Variants in ZNF324 observed in about 807,000 individuals in gnomAD.
ZNF324 encodes the protein zinc finger protein 324A.
In ZNF324, 3 loss-of-function variants were observed where a neutral mutation model predicts 10.3. The observed-to-expected ratio is 0.29, with a 90% CI of 0.13 to 0.75. The LOEUF is 0.75. Among genes scored for constraint, ZNF324 ranks in the 30% least tolerant of loss-of-function variants. ZNF324 has a pLI of 0.69. For missense variants in ZNF324, 763 were observed against 784.4 expected, an observed-to-expected ratio of 0.97 and a Z score of 0.33; for synonymous variants, 430 against 339.5, an observed-to-expected ratio of 1.27 and a Z score of -2.93.
chr19:58,470,721 C>T lies in ZNF324; in HGVS notation c.239-10C>T. 3 of 1,614,212 alleles carry T rather than the reference C, an allele frequency of 1.9e-6. No individual in the cohort carries two copies. The highest frequency in any genetic ancestry group is 2.5e-6 in the Non-Finnish European group (3 of 1,180,042). On this transcript the variant is annotated splice_polypyrimidine_tract_variant and intron_variant, in intron 3 of 3. Coordinates refer to ENST00000196482, the MANE Select transcript of ZNF324 (RefSeq NM_014347.3). ...GATGCCCCAGGCAACCACTGTTTCT[C>T]TGCCTTTAGGTTCCTGGAGTTTGAC...
Position 58,472,201 on chromosome 19 carries a change from A to G in ZNF324, c.*47A>G, listed in dbSNP as rs1168375929. ...CCTTCTGTGAATCCCTTCCACAGCT[A>G]AAGGGCATATGTCCTCTGCAGATCC... is the stretch of plus-strand genomic sequence containing the variant. On this transcript the variant is annotated 3_prime_UTR_variant, in exon 4 of 4. Transcript: ENST00000196482. 4 of 1,508,138 alleles carry G rather than the reference A, an allele frequency of 2.7e-6. No homozygotes were observed. Among genetic ancestry groups the G allele is most frequent in the Non-Finnish European group, 3.6e-6 (4 of 1,125,346 alleles). 93.4% of individuals were successfully genotyped at this position (1,508,138 alleles called of 1,614,324 possible).
chr19:58,472,008 GAGAA>G lies in ZNF324; in HGVS notation c.1517_1520del (p.Glu506GlyfsTer58). On this transcript the variant is annotated frameshift_variant, in exon 4 of 4. Coordinates refer to ENST00000196482, the MANE Select transcript of ZNF324 (RefSeq NM_014347.3). LOFTEE classifies it low-confidence loss of function (END_TRUNC). Reference sequence around the variant, plus strand: ...CCACCACCAGAGGATCCATACCGGCGAGAAGACCGTCCGGCGATCCAGGGCCAGC... The same window carrying G: ...CCACCACCAGAGGATCCATACCGGCGGACCGTCCGGCGATCCAGGGCCAGC... The G allele has an allele frequency of 6.2e-7, 1 of 1,608,034 alleles. No individual in the cohort carries two copies. Among genetic ancestry groups the G allele is most frequent in the Non-Finnish European group, 8.5e-7 (1 of 1,179,742 alleles).
At position 58,471,933 on chromosome 19, in the gene ZNF324, T is replaced by C. The variant is rs781357849; in HGVS notation, c.1441T>C (p.Phe481Leu). 6.2e-7 allele frequency: 1 copy of C among 1,610,014 alleles called. No homozygotes were observed. Among genetic ancestry groups the C allele is most frequent in the Non-Finnish European group, 8.5e-7 (1 of 1,179,002 alleles). ...HRRIHTGEKP[F>L]VCTQCGRAFR... ...GCGCATTCACACGGGCGAGAAGCCC[T>C]TCGTGTGTACGCAGTGTGGCCGCGC... is the stretch of plus-strand genomic sequence containing the variant. Residue 481 changes from phenylalanine (F) to leucine (L), a missense_variant, in exon 4 of 4, where the codon TTC becomes CTC. Physicochemically the swap from Phe to Leu is conservative, Grantham distance 22 (BLOSUM62 0). This residue lies in a region of ZNF324 where 231 missense variants were observed against 196.0 expected (regional missense o/e 1.18). Coordinates refer to ENST00000196482, the MANE Select transcript of ZNF324 (RefSeq NM_014347.3).
rs776065580 is a variant in ZNF324 at position 58,471,874 on chromosome 19, C to G, written c.1382C>G (p.Ala461Gly). 303 of 1,612,146 alleles carry G rather than the reference C, an allele frequency of 1.9e-4. 4 individuals carry two copies. Among genetic ancestry groups the G allele is most frequent in the Middle Eastern group, 1.8e-3 (11 of 6,054 alleles). Residue 461 changes from alanine to glycine, a missense_variant, in exon 4 of 4, where the codon GCC (alanine) becomes GGC (glycine). Ala to Gly is a moderately conservative substitution (Grantham distance 60). Around this residue, in one of 3 missense-constraint regions of ZNF324, gnomAD observed 231 missense variants for 196.0 expected, o/e 1.18. Coordinates refer to ENST00000196482, the MANE Select transcript of ZNF324 (RefSeq NM_014347.3). ...TTCCGCTGCGTGGACTGTGGCAAGG[C>G]CTTCGCCAAGGGCGCCGTGCTGCTC... The part of the protein sequence containing the change: ...RPFRCVDCGK[A>G]FAKGAVLLSH...
rs2053060657 is a variant in ZNF324 at position 58,474,111 on chromosome 19, A to G, written c.*1957A>G. 1 of 152,118 alleles carries G rather than the reference A, an allele frequency of 6.6e-6. No individual in the cohort carries two copies. Among genetic ancestry groups the G allele is most frequent in the Admixed American group, 6.5e-5 (1 of 15,274 alleles). 9.4% of individuals were successfully genotyped at this position (152,118 alleles called of 1,614,324 possible). A position where few individuals can be genotyped will look rare whatever the true frequency, so the allele number is the denominator to read the frequency against. ...GGGGCCAGACTCTTCCACCTGTGAAACCTCACAGGTTCCTGCAGGGAGTGG... is the reference window on the plus strand; with the variant it reads ...GGGGCCAGACTCTTCCACCTGTGAAGCCTCACAGGTTCCTGCAGGGAGTGG... On this transcript the variant is annotated 3_prime_UTR_variant, in exon 4 of 4. Transcript: ENST00000196482.
rs371698674 is a variant in ZNF324 at position 58,470,819 on chromosome 19, C to T, written c.327C>T (p.Val109=). The change falls in exon 4 of 4, where the codon GTC becomes GTT. Residue 109 remains valine, a synonymous_variant. Transcript: ENST00000196482. ...CCCCACCTGGGATGACTACTAGCGT[C>T]TTCCCTGTTGCCGGTGCCTGCCACA... is the stretch of plus-strand genomic sequence containing the variant. The part of the protein sequence containing the change: ...PDTPPGMTTS[V]FPVAGACHSV... The T allele has an allele frequency of 1.2e-5, 20 of 1,614,128 alleles. No homozygotes were observed. In the African/African-American group the frequency reaches 2.4e-4, roughly 19 times the overall value.
chr19:58,473,026 T>A lies in ZNF324; in HGVS notation c.*872T>A, dbSNP rs1239033218. 1.3e-5 allele frequency: 2 copies of A among 152,680 alleles called. No homozygotes were observed. Among genetic ancestry groups the A allele is most frequent in the Non-Finnish European group, 2.9e-5 (2 of 68,072 alleles). 9.5% of individuals were successfully genotyped at this position (152,680 alleles called of 1,614,324 possible). A position where few individuals can be genotyped will look rare whatever the true frequency, so the allele number is the denominator to read the frequency against. On this transcript the variant is annotated 3_prime_UTR_variant, in exon 4 of 4. Transcript: ENST00000196482. Reference sequence around the variant, plus strand: ...GCACTCGTTCAGGTTTTTGCCCAAGTCTCAGCTTGGCCAAGGCCTGTCACT... The same window carrying A: ...GCACTCGTTCAGGTTTTTGCCCAAGACTCAGCTTGGCCAAGGCCTGTCACT...
chr19:58,470,388 AG>A, intron 3 of ZNF324: 1 of 257,020 alleles, frequency 3.9e-6, no homozygotes, highest in Non-Finnish European at 6.9e-6. Context: ...GAAGGGGGAC[AG>A]GGGCGGGGGG....
Position 58,471,724 on chromosome 19 carries a change from C to T in ZNF324, c.1232C>T (p.Ser411Leu). The part of the protein sequence containing the change: ...LCGAAFSQGS[S>L]LFKHQRVHTG... ...GGTGCTGCCTTCAGCCAGGGCTCCT[C>T]GCTCTTTAAGCACCAGCGCGTGCAC... is the stretch of plus-strand genomic sequence containing the variant. Residue 411 changes from serine (S) to leucine (L), a missense_variant, in exon 4 of 4, where the codon TCG (serine) becomes TTG (leucine). By Grantham distance (145) the Ser-to-Leu change is moderately radical (BLOSUM62 -2). Around this residue, in one of 3 missense-constraint regions of ZNF324, gnomAD observed 153 missense variants for 269.0 expected, o/e 0.57. Coordinates refer to ENST00000196482, the MANE Select transcript of ZNF324 (RefSeq NM_014347.3). The T allele has an allele frequency of 3.7e-6, 6 of 1,612,270 alleles. No homozygotes were observed. The highest frequency in any genetic ancestry group is 5.1e-6 in the Non-Finnish European group (6 of 1,179,274).
Position 58,471,978 on chromosome 19 carries a change from C to G in ZNF324, c.1486C>G (p.Leu496Val). ...CGRAFRERPA[L>V]FHHQRIHTGE... ...CCGCGCCTTCCGTGAGCGCCCGGCC[C>G]TCTTCCACCACCAGAGGATCCATAC... Residue 496 changes from leucine to valine, a missense_variant, in exon 4 of 4, where the codon CTC becomes GTC. Coordinates refer to ENST00000196482, the MANE Select transcript of ZNF324 (RefSeq NM_014347.3). 11 of 1,609,058 alleles carry G rather than the reference C, an allele frequency of 6.8e-6. No individual in the cohort carries two copies. Among genetic ancestry groups the G allele is most frequent in the Non-Finnish European group, 9.3e-6 (11 of 1,179,528 alleles).
chr19:58,473,983 T>C lies in ZNF324; in HGVS notation c.*1829T>C, dbSNP rs549575588. ...GCCATGTGTGATGACCCTGCAAGGT[T>C]GACTCCAACCAGTGGGCACTCCATC... is the stretch of plus-strand genomic sequence containing the variant. On this transcript the variant is annotated 3_prime_UTR_variant, in exon 4 of 4. Coordinates refer to ENST00000196482, the MANE Select transcript of ZNF324 (RefSeq NM_014347.3). 4.6e-5 allele frequency: 7 copies of C among 152,358 alleles called. No homozygotes were observed. The highest frequency in any genetic ancestry group is 3.9e-4 in the Admixed American group (6 of 15,290). The allele number at this position is 152,358 out of a possible 1,614,324, so 9.4% of individuals were successfully genotyped here.
rs534607673 is a variant in ZNF324 at position 58,469,748 on chromosome 19, C to A, written c.142C>A (p.Arg48Ser). The stretch of plus-strand genomic sequence containing the variant: ...CACAGGACTCTCCACCTCTCGACCT[C>A]GTGTGGTCATCCAACTGGAGCGTGG... Reference protein sequence around the residue: ...ASLGLSTSRPRVVIQLERGEE... With the variant: ...ASLGLSTSRPSVVIQLERGEE... Residue 48 changes from arginine (R) to serine (S), a missense_variant, in exon 3 of 4, where the codon CGT (arginine) becomes AGT (serine). Around this residue, in one of 3 missense-constraint regions of ZNF324, gnomAD observed 379 missense variants for 319.4 expected, o/e 1.19. Coordinates refer to ENST00000196482, the MANE Select transcript of ZNF324 (RefSeq NM_014347.3). 6.3e-7 allele frequency: 1 copy of A among 1,583,320 alleles called. No individual in the cohort carries two copies. The highest frequency in any genetic ancestry group is 1.2e-5 in the South Asian group (1 of 86,396).
In ZNF324 at chr19:58,471,955, G is replaced by T. The variant is rs776221380; in HGVS notation, c.1463G>T (p.Arg488Leu). Residue 488 changes from arginine (R) to leucine (L), a missense_variant, in exon 4 of 4, where the codon CGC becomes CTC. Around this residue, in one of 3 missense-constraint regions of ZNF324, gnomAD observed 231 missense variants for 196.0 expected, o/e 1.18. Transcript: ENST00000196482. ...EKPFVCTQCG[R>L]AFRERPALFH... ...CCCTTCGTGTGTACGCAGTGTGGCC[G>T]CGCCTTCCGTGAGCGCCCGGCCCTC... is the stretch of plus-strand genomic sequence containing the variant. The T allele has an allele frequency of 6.2e-7, 1 of 1,609,366 alleles. No individual in the cohort carries two copies.
Position 58,471,714 on chromosome 19 carries a change from C to T in ZNF324, c.1222C>T (p.Gln408Ter). Residue 408 changes from glutamine to a stop codon, truncating the protein, a stop_gained, in exon 4 of 4, where the codon CAG (glutamine) becomes TAG (stop). Coordinates refer to ENST00000196482, the MANE Select transcript of ZNF324 (RefSeq NM_014347.3). LOFTEE classifies it low-confidence loss of function (END_TRUNC). Reference protein sequence around the residue: ...VCALCGAAFSQGSSLFKHQRV... With the variant: ...VCALCGAAFS ...CGCGCTCTGCGGTGCTGCCTTCAGC[C>T]AGGGCTCCTCGCTCTTTAAGCACCA... 1.2e-6 allele frequency: 2 copies of T among 1,612,564 alleles called. No homozygotes were observed. The highest frequency in any genetic ancestry group is 1.7e-6 in the Non-Finnish European group (2 of 1,179,370).
At position 58,475,043 on chromosome 19, in the gene ZNF324, GTTT is replaced by G. The variant is rs891762976; in HGVS notation, c.*2892_*2894del. 2 of 152,000 alleles carry G rather than the reference GTTT, an allele frequency of 1.3e-5. No homozygotes were observed. The highest frequency in any genetic ancestry group is 6.6e-5 in the Admixed American group (1 of 15,262). The allele number at this position is 152,000 out of a possible 1,614,324, so 9.4% of individuals were successfully genotyped here. On this transcript the variant is annotated 3_prime_UTR_variant, in exon 4 of 4. Coordinates refer to ENST00000196482, the MANE Select transcript of ZNF324 (RefSeq NM_014347.3). ...TCTCCCCACATGGTGGAGGGTGAAA[GTTT>G]TTGTTTTTTTTTCCTTCTGGGACTC... is the stretch of plus-strand genomic sequence containing the variant.
intron 1 of ZNF324, 148 bp from the exon 2 acceptor site, chr19:58,469,032 A>ATTT (rs201999734): frequency 2.0e-6 from 2 of 976,386 alleles, no homozygotes; most frequent in East Asian, 5.2e-5. Flanking sequence ...TGCAATTTTT[A>ATTT]TTTTTTTTAG....
In ZNF324 at chr19:58,471,350, G is replaced by A. The variant is rs559130372; in HGVS notation, c.858G>A (p.Glu286=). 1 of 1,614,012 alleles carries A rather than the reference G, an allele frequency of 6.2e-7. No individual in the cohort carries two copies. The highest frequency in any genetic ancestry group is 1.7e-5 in the Admixed American group (1 of 60,026). Residue 286 remains glutamate, a synonymous_variant, in exon 4 of 4, where the codon GAG becomes GAA. Transcript: ENST00000196482. The part of the protein sequence containing the change: ...LRTHTGERPY[E]CAQCGKAFSQ... ...CCCACACCGGGGAGCGGCCCTACGA[G>A]TGCGCCCAGTGCGGCAAGGCCTTCA...
Position 58,474,699 on chromosome 19 carries a change from G to C in ZNF324, c.*2545G>C, listed in dbSNP as rs2122428531. The C allele has an allele frequency of 6.6e-6, 1 of 152,280 alleles. No homozygotes were observed. The highest frequency in any genetic ancestry group is 1.9e-4 in the East Asian group (1 of 5,182). 9.4% of individuals were successfully genotyped at this position (152,280 alleles called of 1,614,324 possible). A position where few individuals can be genotyped will look rare whatever the true frequency, so the allele number is the denominator to read the frequency against. ...CCTGGGCTTCTATGTCAAAAGGTCA[G>C]ACTGAACACATGCATCTCACTGGGC... On this transcript the variant is annotated 3_prime_UTR_variant, in exon 4 of 4. Transcript: ENST00000196482.
At chr19:58,468,730 T>C (rs2053002672) in intron 1 of ZNF324, among the ~76,000 whole-genome samples, 1 of 152,036 alleles carries the variant, frequency 6.6e-6, no homozygotes, top group Non-Finnish European at 1.5e-5. Flanking sequence ...CTTGCTTGTG[T>C]ATGGCGTTGC....
Sources: allele counts gnomAD v4.1 joint callset (sites outside exome capture counted in the v4.1 genomes callset), GRCh38; gene constraint gnomAD v4.1.1; regional missense constraint gnomAD v4.1.1; transcripts MANE v1.5; gene names NCBI Gene and HGNC (gene_info 2026-07-23, HGNC 2026-07-21).